TEX9: variants seen among roughly 807,000 people sequenced by gnomAD.
TEX9 encodes the protein testis-expressed protein 9.
TEX9 carries 74 observed loss-of-function variants against 59.6 expected under a neutral mutation model. The ratio of observed to expected loss-of-function variants is 1.24; its 90% CI spans 1.03 to 1.51. TEX9 has a LOEUF of 1.51. Among genes scored for constraint, TEX9 ranks in the 40% most tolerant of loss-of-function variants. The pLI, the probability that TEX9 is intolerant of heterozygous loss-of-function variation, is 0.00. For missense variants in TEX9, 522 were observed against 447.8 expected, an observed-to-expected ratio of 1.17 and a Z score of -1.49; for synonymous variants, 186 against 152.2, an observed-to-expected ratio of 1.22 and a Z score of -1.64.
chr15:56,405,728 A>G (rs1056638478), intron 9 of TEX9, among the ~76,000 whole-genome samples: 1 of 152,124 alleles, frequency 6.6e-6, no homozygotes, highest in Non-Finnish European at 1.5e-5. Context: ...TTATATCTCT[A>G]TACAAACAAA....
chr15:56,329,380 T>C (rs1301200545), intron 1 of TEX9, among the ~76,000 whole-genome samples: 1 of 152,106 alleles, frequency 6.6e-6, no homozygotes, highest in African/African-American at 2.4e-5. Flanking sequence ...CAGACACTGA[T>C]GAACATCAAC....
In TEX9 at chr15:56,391,305, C is replaced by G. The variant is rs139609954; in HGVS notation, c.458C>G (p.Ser153Ter). 1.6e-5 allele frequency: 26 copies of G among 1,597,778 alleles called. No individual in the cohort carries two copies. In the African/African-American group the frequency reaches 2.0e-4, roughly 12 times the overall value. ...GATGTTGCCATTCCAGAGGATTTCT[C>G]AGACTTTTCCCTTGCAAAAACAATT... The change falls in exon 7 of 13, where the codon TCA (serine) becomes TGA (stop). Residue 153 changes from serine to a stop codon, truncating the protein, a stop_gained. Coordinates refer to ENST00000352903, the Ensembl canonical transcript of TEX9. LOFTEE classifies it high-confidence loss of function.
chr15:56,271,400 G>A lies in TEX9; in HGVS notation c.-107+27122G>A, dbSNP rs1313030041. ...TTCATTAATTTCATCTTGAATCACT[G>A]ATACCCTTTCTTCCACTTAATGGAA... On this transcript the variant is annotated intron_variant, in intron 1 of 5. Coordinates refer to the TEX9 transcript ENST00000560827. Among the ~76,000 whole-genome samples, 4 of 151,984 alleles carry A rather than the reference G, an allele frequency of 2.6e-5. No homozygotes were observed. The East Asian group carries it at 7.7e-4, about 29-fold the overall frequency.
Position 56,303,377 on chromosome 15 carries a change from A to G in TEX9, c.-107+59099A>G, listed in dbSNP as rs375271954. Among the ~76,000 whole-genome samples, 4 of 152,320 alleles carry G rather than the reference A, an allele frequency of 2.6e-5. 1 individual carries two copies. The highest frequency in any genetic ancestry group is 6.5e-5 in the Admixed American group (1 of 15,308). ...AAGTATCTGACCACAATAGAATAGA[A>G]CTGGAAATTAATAATAAGAAATTTG... On this transcript the variant is annotated intron_variant, in intron 1 of 5. Coordinates refer to the TEX9 transcript ENST00000560827.
chr15:56,441,470 T>C (rs1381451927), intron 12 of TEX9, among the ~76,000 whole-genome samples: 3 of 152,178 alleles, frequency 2.0e-5, no homozygotes, highest in Admixed American at 6.5e-5. Context: ...GAACTGTGCA[T>C]TGAAATACCA....
intron 1 of TEX9, among the ~76,000 whole-genome samples, chr15:56,245,257 G>T (rs1214826739): frequency 6.6e-6 from 1 of 152,162 alleles, no homozygotes; most frequent in African/African-American, 2.4e-5. Flanking sequence ...CTGGCCCACA[G>T]ACTTAAGGCC....
In TEX9 at chr15:56,261,563, C is replaced by T. The variant is rs889584916; in HGVS notation, c.-107+17285C>T. On this transcript the variant is annotated intron_variant, in intron 1 of 5. Coordinates refer to the TEX9 transcript ENST00000560827. ...CGAAACCTCATCTCTACTAAAAATACAAAAATTAGCCAGGCGCAGTAGCAT... is the reference window on the plus strand; with the variant it reads ...CGAAACCTCATCTCTACTAAAAATATAAAAATTAGCCAGGCGCAGTAGCAT... Among the ~76,000 whole-genome samples, 4 of 151,924 alleles carry T rather than the reference C, an allele frequency of 2.6e-5. No individual in the cohort carries two copies. The South Asian group carries it at 6.2e-4, about 24-fold the overall frequency.
intron 7 of TEX9, chr15:56,393,923 G>A (rs376560362): frequency 2.3e-5 from 7 of 305,930 alleles, no homozygotes; most frequent in Middle Eastern, 9.2e-4. Flanking sequence ...ACCCTGGTGC[G>A]TGTGAATTTA....
chr15:56,338,400 T>C (rs2046300192), intron 1 of TEX9, among the ~76,000 whole-genome samples: 1 of 152,224 alleles, frequency 6.6e-6, no homozygotes, highest in South Asian at 2.1e-4. Context: ...CTATCAGACC[T>C]GCAGGTTTTG....
chr15:56,443,608 CTAGTGT>C, intron 12 of TEX9: 1 of 1,594,100 alleles, frequency 6.3e-7, no homozygotes, highest in Non-Finnish European at 8.5e-7. Flanking sequence ...CAGAATTTTA[CTAGTGT>C]TAAAGAAGTG....
rs765462715 is a variant in TEX9, at chr15:56,417,879, A to T, written c.963+5443A>T. 5.3e-5 allele frequency among the ~76,000 whole-genome samples: 8 copies of T among 152,004 alleles called. No homozygotes were observed. In the South Asian group the frequency reaches 1.7e-3, roughly 31 times the overall value. On this transcript the variant is annotated intron_variant, in intron 10 of 12. Coordinates refer to ENST00000352903, the Ensembl canonical transcript of TEX9. Reference sequence around the variant, plus strand: ...ATCTGGGTGCTTCTGTGTTGTGTGCATGTATATTTAGGCTAATTAGGTCTT... The same window carrying T: ...ATCTGGGTGCTTCTGTGTTGTGTGCTTGTATATTTAGGCTAATTAGGTCTT...
intron 1 of TEX9, among the ~76,000 whole-genome samples, chr15:56,321,238 C>A (rs1295556047): frequency 1.3e-5 from 2 of 152,122 alleles, no homozygotes; most frequent in African/African-American, 2.4e-5. Flanking sequence ...GACATTTAAA[C>A]CCCCTTGTCC....
chr15:56,348,139 A>C (rs1486704384), intron 1 of TEX9, among the ~76,000 whole-genome samples: 1 of 152,132 alleles, frequency 6.6e-6, no homozygotes, highest in African/African-American at 2.4e-5. Flanking sequence ...AAACTGAGTG[A>C]AGGTGCATAG....
chr15:56,298,786 C>G (rs1053265836), intron 1 of TEX9, among the ~76,000 whole-genome samples: 22 of 152,164 alleles, frequency 1.4e-4, no homozygotes, highest in Non-Finnish European at 3.1e-4. Flanking sequence ...CTCTCTTAGG[C>G]TTTATCTTTC....
intron 1 of TEX9, among the ~76,000 whole-genome samples, chr15:56,264,676 G>A (rs1279561094): frequency 2.0e-5 from 3 of 152,144 alleles, no homozygotes; most frequent in African/African-American, 7.2e-5. Context: ...AGACATGTGT[G>A]ACCTAATGTC....
chr15:56,276,261 A>G (rs1000824247), intron 1 of TEX9, among the ~76,000 whole-genome samples: 4 of 152,030 alleles, frequency 2.6e-5, no homozygotes, highest in African/African-American at 9.7e-5. Context: ...TGCTGCACCT[A>G]TCCACCCATC....
chr15:56,275,431 C>T (rs192977030), intron 1 of TEX9, among the ~76,000 whole-genome samples: 29 of 152,278 alleles, frequency 1.9e-4, no homozygotes, highest in African/African-American at 5.5e-4. Context: ...TAACGAACAC[C>T]TCATGAGCCC....
At chr15:56,374,780 C>G (rs1274636254) in intron 3 of TEX9, among the ~76,000 whole-genome samples, 1 of 152,080 alleles carries the variant, frequency 6.6e-6, no homozygotes, top group East Asian at 1.9e-4. Context: ...TTTCAGATCC[C>G]ACAAATAAGT....
chr15:56,261,460 G>A (rs374687729), intron 1 of TEX9, among the ~76,000 whole-genome samples: 1 of 152,122 alleles, frequency 6.6e-6, no homozygotes. Flanking sequence ...GCTCATGCCT[G>A]TAATCCTAGC....
Sources: allele counts gnomAD v4.1 joint callset (sites outside exome capture counted in the v4.1 genomes callset), GRCh38; gene constraint gnomAD v4.1.1; transcripts MANE v1.5; gene names NCBI Gene and HGNC (gene_info 2026-07-23, HGNC 2026-07-21).